Variants in PRDM2 observed in about 807,000 individuals in gnomAD.
PRDM2 encodes the protein PR domain zinc finger protein 2.
Under a neutral mutation model 130.0 loss-of-function variants are expected in PRDM2, and 30 were observed. The ratio of observed to expected loss-of-function variants is 0.23; its 90% confidence interval spans 0.17 to 0.31. The LOEUF (loss-of-function observed/expected upper bound fraction) is 0.31. Among genes scored for constraint, PRDM2 ranks in the 10% least tolerant of loss-of-function variants. The probability of loss-of-function intolerance (pLI) is 1.00; values close to 1 mark genes in which losing one functional copy is unlikely to be tolerated. For synonymous variants in PRDM2, 871 were observed against 782.4 expected (o/e 1.11, Z -1.89); for missense variants, 2,011 against 2,108.4 (o/e 0.95, Z 0.90).
chr1:13,775,606 C>T (rs1209001282), intron 7 of PRDM2, among the ~76,000 whole-genome samples: 11 of 152,076 alleles, frequency 7.2e-5, no homozygotes, highest in African/African-American at 2.7e-4. Flanking sequence ...CAGTAATTCC[C>T]GATATTCCTG....
At chr1:13,700,486 G>A (rs1316740195) in intron 1 of PRDM2, among the ~76,000 whole-genome samples, 186 bp downstream of exon 1, 6 of 150,694 alleles carry the variant, frequency 4.0e-5, no homozygotes, top group African/African-American at 1.5e-4. Context: ...CGAGGCGCGG[G>A]CCTCCGGGTC....
intron 2 of PRDM2, among the ~76,000 whole-genome samples, chr1:13,723,852 A>T (rs868041704): frequency 1.1e-4 from 16 of 152,282 alleles, no homozygotes; most frequent in African/African-American, 3.8e-4. Context: ...CGCAGTGACC[A>T]CTGCTCTGAG....
At chr1:13,743,434 C>T (rs1403286374) in intron 5 of PRDM2, among the ~76,000 whole-genome samples, 1 of 148,688 alleles carries the variant, frequency 6.7e-6, no homozygotes, top group Non-Finnish European at 1.5e-5. Context: ...AAAGACAGAT[C>T]CTCACATTAT....
At chr1:13,712,663 A>C (rs1419925703) in intron 1 of PRDM2, among the ~76,000 whole-genome samples, 1 of 152,222 alleles carries the variant, frequency 6.6e-6, no homozygotes, top group Non-Finnish European at 1.5e-5. Flanking sequence ...AGGCTGAGGC[A>C]GGAGAATTGC....
chr1:13,776,316 C>T (rs1233696039), intron 7 of PRDM2, among the ~76,000 whole-genome samples: 1 of 152,112 alleles, frequency 6.6e-6, no homozygotes, highest in African/African-American at 2.4e-5. Flanking sequence ...GAGAAGAAGT[C>T]AGAATAGCTC....
intron 4 of PRDM2, among the ~76,000 whole-genome samples, chr1:13,733,512 C>T (rs1643174128): frequency 6.6e-6 from 1 of 152,190 alleles, no homozygotes; most frequent in Admixed American, 6.5e-5. Context: ...TAGAATGCAT[C>T]TCTCCTGCCT....
chr1:13,816,561 T>C lies in PRDM2; in HGVS notation c.*14T>C. ...TTCAAAGAGTAGACACTCTGGCTGC[T>C]CCCTGACAGGTACGAGGCAGGATGG... On this transcript the variant is annotated 3_prime_UTR_variant, in exon 9 of 10. Coordinates refer to ENST00000311066, the MANE Select transcript of PRDM2 (RefSeq NM_001393986.1). 6.2e-7 allele frequency: 1 copy of C among 1,614,040 alleles called. No individual in the cohort carries two copies. The highest frequency in any genetic ancestry group is 1.3e-5 in the African/African-American group (1 of 75,000).
At chr1:13,787,322 G>T (rs1259915557) in intron 8 of PRDM2, 9 of 984,882 alleles carry the variant, frequency 9.1e-6, no homozygotes, top group South Asian at 9.4e-5. Flanking sequence ...TGCATACCAG[G>T]TTTTACACTT....
intron 7 of PRDM2, among the ~76,000 whole-genome samples, chr1:13,777,850 T>C (rs569599507): frequency 1.3e-5 from 2 of 151,832 alleles, no homozygotes; most frequent in African/African-American, 4.8e-5. Context: ...TCTCCAAAGA[T>C]TGTCTAGCTT....
Position 13,756,628 on chromosome 1 carries a change from C to T in PRDM2, c.511+7141C>T, listed in dbSNP as rs531758267. On this transcript the variant is annotated intron_variant, in intron 6 of 9. Coordinates refer to ENST00000311066, the MANE Select transcript of PRDM2 (RefSeq NM_001393986.1). The stretch of plus-strand genomic sequence containing the variant: ...AAGTAGCTGTTTTTCTTTTTGCCAC[C>T]CAGATTAAACCAGTTTTCATACATT... Among the ~76,000 whole-genome samples, 248 of 152,120 alleles carry T rather than the reference C, an allele frequency of 1.6e-3. 4 individuals are homozygous for T. The South Asian group carries it at 0.036, about 22-fold the overall frequency.
intron 1 of PRDM2, among the ~76,000 whole-genome samples, chr1:13,708,111 G>A (rs1471803716): frequency 6.6e-6 from 1 of 151,836 alleles, no homozygotes; most frequent in Middle Eastern, 3.2e-3. Flanking sequence ...ACTGCCATAC[G>A]TTTACTTCTG....
At chr1:13,725,966 A>G (rs1000956952) in intron 2 of PRDM2, among the ~76,000 whole-genome samples, 2 of 152,232 alleles carry the variant, frequency 1.3e-5, no homozygotes, top group South Asian at 4.1e-4. Flanking sequence ...GCTCTGTGGC[A>G]TAGTATTTGA....
intron 1 of PRDM2, among the ~76,000 whole-genome samples, chr1:13,713,572 T>C (rs1346721513): frequency 1.3e-5 from 2 of 152,208 alleles, no homozygotes; most frequent in Non-Finnish European, 2.9e-5. Context: ...CAAAGGGAAA[T>C]GGTAAAGCAT....
In PRDM2 at chr1:13,803,010, C is replaced by T. The variant is rs980135522; in HGVS notation, c.5037-13417C>T. Among the ~76,000 whole-genome samples the T allele has an allele frequency of 4.6e-5, 7 of 152,286 alleles. No individual in the cohort carries two copies. In the East Asian group the frequency reaches 5.8e-4, roughly 13 times the overall value. ...TCCACCCTGCTGGGCTTCTCTCACC[C>T]GGGCTGGTCGTGTCACGGGCAGTGA... On this transcript the variant is annotated intron_variant, in intron 8 of 9. Coordinates refer to ENST00000311066, the MANE Select transcript of PRDM2 (RefSeq NM_001393986.1). The surrounding 1 kb of genome is among the most constrained non-coding windows in gnomAD (Gnocchi z 6.2).
intron 4 of PRDM2, among the ~76,000 whole-genome samples, chr1:13,735,032 A>G (rs1014777468): frequency 3.9e-5 from 6 of 152,208 alleles, no homozygotes; most frequent in African/African-American, 1.4e-4. Flanking sequence ...ATGGCTTATC[A>G]TCAGAATCTC....
chr1:13,724,168 C>T (rs918513686), intron 2 of PRDM2, among the ~76,000 whole-genome samples: 1 of 152,196 alleles, frequency 6.6e-6, no homozygotes, highest in Admixed American at 6.5e-5. Context: ...GTCTCAGCTT[C>T]ACCACCCTGG....
At chr1:13,728,165 T>C (rs1407970829) in intron 2 of PRDM2, among the ~76,000 whole-genome samples, 1 of 152,200 alleles carries the variant, frequency 6.6e-6, no homozygotes, top group African/African-American at 2.4e-5. Context: ...TTAAGTTAGC[T>C]TACAAAGAGC....
At chr1:13,756,904 C>G (rs2100567975) in intron 6 of PRDM2, among the ~76,000 whole-genome samples, 1 of 152,282 alleles carries the variant, frequency 6.6e-6, no homozygotes. Flanking sequence ...AACTGATGCT[C>G]CGAGGGGTTA....
chr1:13,798,080 C>T (rs1224328482), intron 8 of PRDM2, among the ~76,000 whole-genome samples: 2 of 151,986 alleles, frequency 1.3e-5, no homozygotes, highest in Non-Finnish European at 2.9e-5. Flanking sequence ...TTCTGAGTGT[C>T]GTAGGTAAGA....
Sources: gnomAD v4.1 joint callset for allele counts (sites outside exome capture counted in the v4.1 genomes callset) on GRCh38, gnomAD v4.1.1 for gene constraint, Gnocchi (gnomAD v3.1) non-coding constraint, MANE v1.5 for transcripts, NCBI Gene and HGNC (gene_info 2026-07-23, HGNC 2026-07-21) for gene names.